The following SDK2 variants were observed in gnomAD, a reference collection of about 807,000 sequenced individuals.
SDK2 encodes the protein protein sidekick-2.
SDK2 carries 105 observed loss-of-function variants against 253.9 expected under a neutral mutation model. The ratio of observed to expected loss-of-function variants is 0.41; its 90% CI spans 0.35 to 0.49. SDK2 has a LOEUF of 0.49. SDK2 is among the 20% of genes least tolerant of loss of function. The pLI is 0.06. For synonymous variants in SDK2, 1,249 were observed against 1,234.9 expected, an observed-to-expected ratio of 1.01 and a Z score of -0.24; for missense variants, 2,608 against 3,003.0, an observed-to-expected ratio of 0.87 and a Z score of 3.07.
intron 1 of SDK2, among the ~76,000 whole-genome samples, chr17:73,581,051 G>GT (rs2045528267): frequency 6.8e-6 from 1 of 146,374 alleles, no homozygotes; most frequent in African/African-American, 2.5e-5. Context: ...TGTATTTTTT[G>GT]GTTTTTTTTT....
intron 2 of SDK2, among the ~76,000 whole-genome samples, chr17:73,476,007 G>A (rs1414037271): frequency 6.6e-6 from 1 of 152,228 alleles, no homozygotes; most frequent in Non-Finnish European, 1.5e-5. Context: ...AGCTATTCGG[G>A]AGGCTGAGGC....
rs755870843 is a variant in SDK2 at position 73,431,540 on chromosome 17, C to T, written c.1442G>A (p.Arg481Gln). ...GTCTGCTGAGGCCTCATCGACCCCCCGAGAGTTGGTGGCCAGGCAGGTGTA... is the reference window on the plus strand; with the variant it reads ...GTCTGCTGAGGCCTCATCGACCCCCTGAGAGTTGGTGGCCAGGCAGGTGTA... ...GTYTCLATNS[R>Q]GVDEASADLV... The change falls in exon 11 of 45, where the codon CGG becomes CAG. Residue 481 changes from arginine (R) to glutamine (Q), a missense_variant. Transcript: ENST00000392650. This position sits in a 1 kb window ranked among gnomAD's most constrained non-coding sequence, Gnocchi z 5.6. The T allele has an allele frequency of 1.5e-5, 25 of 1,613,692 alleles. No individual in the cohort carries two copies. Among genetic ancestry groups the T allele is most frequent in the Admixed American group, 1.5e-4 (9 of 59,990 alleles).
intron 44 of SDK2, among the ~76,000 whole-genome samples, chr17:73,346,547 C>G (rs1314753506): frequency 6.6e-6 from 1 of 152,154 alleles, no homozygotes; most frequent in Non-Finnish European, 1.5e-5. Flanking sequence ...CCTGGTGCCC[C>G]CTTCTCCTGC....
chr17:73,494,997 T>G (rs1184424736), intron 2 of SDK2, among the ~76,000 whole-genome samples: 1 of 152,230 alleles, frequency 6.6e-6, no homozygotes, highest in Non-Finnish European at 1.5e-5. Flanking sequence ...TCTCTGAGCC[T>G]CTGACTTCTC....
intron 36 of SDK2, among the ~76,000 whole-genome samples, chr17:73,372,628 C>T (rs2062744698): frequency 6.6e-6 from 1 of 152,060 alleles, no homozygotes; most frequent in Non-Finnish European, 1.5e-5. Context: ...GTAATCCCAG[C>T]TACTCGGGAG....
chr17:73,571,978 G>A (rs975410859), intron 1 of SDK2, among the ~76,000 whole-genome samples: 1 of 152,204 alleles, frequency 6.6e-6, no homozygotes, highest in East Asian at 1.9e-4. Flanking sequence ...GGGTGGGCCA[G>A]CACCCTGGGC....
At chr17:73,440,707 G>A (rs2063408606) in intron 6 of SDK2, 105 bp downstream of exon 6, 1 of 810,406 alleles carries the variant, frequency 1.2e-6, no homozygotes, top group South Asian at 1.5e-5. Context: ...CCCCTGTCCT[G>A]GATCCTCAGG....
chr17:73,602,530 T>C (rs1748852288), intron 1 of SDK2, among the ~76,000 whole-genome samples: 1 of 151,800 alleles, frequency 6.6e-6, no homozygotes, highest in African/African-American at 2.4e-5. Context: ...GTTCTTTTTT[T>C]TTTTTTTAAT....
intron 1 of SDK2, among the ~76,000 whole-genome samples, chr17:73,626,981 A>G (rs906425370): frequency 6.6e-6 from 1 of 152,092 alleles, no homozygotes; most frequent in Admixed American, 6.5e-5. Context: ...AGAACCCAAC[A>G]CTAGCCGGGG....
In SDK2 at chr17:73,386,534, G is replaced by T. The variant is rs1458924964; in HGVS notation, c.4409C>A (p.Thr1470Lys). ...CGCCTTCACTCGGAACTTGTAGGACGTGAAGGGCTTCAGCCTGTAGGGAGA... is the reference window on the plus strand; with the variant it reads ...CGCCTTCACTCGGAACTTGTAGGACTTGAAGGGCTTCAGCCTGTAGGGAGA... ...SFIVDRLKPF[T>K]SYKFRVKATN... The change falls in exon 31 of 45, where the codon ACG becomes AAG. Residue 1470 changes from threonine to lysine, a missense_variant. Physicochemically the swap from Thr to Lys is moderately conservative, Grantham distance 78. Around this residue, in one of 2 missense-constraint regions of SDK2, gnomAD observed 1,103 missense variants for 1,143.9 expected, o/e 0.96. Coordinates refer to ENST00000392650, the MANE Select transcript of SDK2 (RefSeq NM_001144952.2). 4.5e-6 allele frequency: 7 copies of T among 1,556,208 alleles called. No individual in the cohort carries two copies. In the Admixed American group the frequency reaches 1.4e-4, roughly 30 times the overall value.
At chr17:73,466,827 C>G (rs2063603536) in intron 3 of SDK2, among the ~76,000 whole-genome samples, 1 of 150,584 alleles carries the variant, frequency 6.6e-6, no homozygotes, top group South Asian at 2.1e-4. Flanking sequence ...TCACTTTAAC[C>G]TTGTTAACAT....
chr17:73,339,241 T>G (rs1009379758), intron 44 of SDK2, among the ~76,000 whole-genome samples: 17 of 150,808 alleles, frequency 1.1e-4, no homozygotes, highest in African/African-American at 3.9e-4. Flanking sequence ...TTTTGTTTTT[T>G]TTTTTTGAGA....
intron 1 of SDK2, among the ~76,000 whole-genome samples, chr17:73,565,761 C>T (rs529717730): frequency 2.0e-5 from 3 of 152,338 alleles, no homozygotes; most frequent in African/African-American, 4.8e-5. Context: ...GCTTGGTGCC[C>T]TTCCCATGGT....
rs1230618306 is a variant in SDK2, at chr17:73,336,720, C to T, written c.*1867G>A. The T allele has an allele frequency of 1.3e-5, 2 of 152,940 alleles. No individual in the cohort carries two copies. The highest frequency in any genetic ancestry group is 2.9e-5 in the Non-Finnish European group (2 of 68,292). The allele number at this position is 152,940 out of a possible 1,614,324, so 9.5% of individuals were successfully genotyped here. A position where few individuals can be genotyped will look rare whatever the true frequency, so the allele number is the denominator to read the frequency against. ...TCTCCTACTTGGGCTTCCTTGAACT[C>T]TGCTCACCCACCCCAACAGAGCATC... On this transcript the variant is annotated 3_prime_UTR_variant, in exon 45 of 45. Coordinates refer to ENST00000392650, the MANE Select transcript of SDK2 (RefSeq NM_001144952.2).
At chr17:73,405,668 C>T (rs1035533625) in intron 18 of SDK2, among the ~76,000 whole-genome samples, 1 of 150,544 alleles carries the variant, frequency 6.6e-6, no homozygotes, top group South Asian at 2.1e-4. Context: ...GCTCAAGTAC[C>T]TGATATAAAA....
chr17:73,390,334 C>T lies in SDK2; in HGVS notation c.4145G>A (p.Gly1382Asp). 6.2e-7 allele frequency: 1 copy of T among 1,608,844 alleles called. No homozygotes were observed. The highest frequency in any genetic ancestry group is 8.5e-7 in the Non-Finnish European group (1 of 1,179,212). The change falls in exon 29 of 45, where the codon GGC becomes GAC. Residue 1382 changes from glycine (G) to aspartate (D), a missense_variant. Around this residue, in one of 2 missense-constraint regions of SDK2, gnomAD observed 1,103 missense variants for 1,143.9 expected, o/e 0.96. Transcript: ENST00000392650. ...LFRITAQTRK[G>D]WGEAAEALVV... ...CAAGGCCTCGGCAGCTTCTCCCCAG[C>T]CCTTGCGGGTCTGGGCCGTGATGCG...
chr17:73,419,738 C>A (rs1287535406), intron 15 of SDK2, among the ~76,000 whole-genome samples: 58 of 142,148 alleles, frequency 4.1e-4, no homozygotes, highest in Non-Finnish European at 4.8e-4. Context: ...CCCAAAAAAA[C>A]TCCCTCCTGG....
intron 1 of SDK2, among the ~76,000 whole-genome samples, chr17:73,593,793 G>A (rs914579642): frequency 2.0e-5 from 3 of 152,138 alleles, no homozygotes; most frequent in African/African-American, 7.2e-5. Flanking sequence ...CAGGGCTGAG[G>A]GGACCCTGCT....
chr17:73,599,166 G>A (rs1353619762), intron 1 of SDK2, among the ~76,000 whole-genome samples: 1 of 152,246 alleles, frequency 6.6e-6, no homozygotes, highest in Non-Finnish European at 1.5e-5. Flanking sequence ...GCCCACTGAT[G>A]TGTCTCTTGT....
Sources: gnomAD v4.1 joint callset for allele counts (sites outside exome capture counted in the v4.1 genomes callset) on GRCh38, gnomAD v4.1.1 for gene constraint, gnomAD v4.1.1 regional missense constraint, Gnocchi (gnomAD v3.1) non-coding constraint, MANE v1.5 for transcripts, NCBI Gene and HGNC (gene_info 2026-07-23, HGNC 2026-07-21) for gene names.